The following KLHL32 variants were observed in gnomAD, a reference collection of about 807,000 sequenced individuals.
KLHL32 encodes kelch-like protein 32.
Under a neutral mutation model 64.8 loss-of-function variants are expected in KLHL32, and 35 were observed. The ratio of observed to expected loss-of-function variants is 0.54; its 90% CI spans 0.41 to 0.72. The LOEUF (loss-of-function observed/expected upper bound fraction) is 0.72. KLHL32 is among the 30% of genes least tolerant of loss of function. KLHL32 has a pLI of 0.00. For missense variants in KLHL32, 589 were observed against 768.5 expected, an observed-to-expected ratio of 0.77 and a Z score of 2.76; for synonymous variants, 259 against 281.0, an observed-to-expected ratio of 0.92 and a Z score of 0.78.
intron 4 of KLHL32, among the ~76,000 whole-genome samples, chr6:97,057,172 C>CTTTTTTTTTTTTT (rs199552121): frequency 3.1e-5 from 2 of 64,998 alleles, no homozygotes; most frequent in African/African-American, 8.8e-5. Context: ...ATGTGAGTAT[C>CTTTTTTTTTTTTT]TTTTTTTTTT....
chr6:96,990,105 G>C (rs1424972117), intron 3 of KLHL32, among the ~76,000 whole-genome samples: 1 of 152,102 alleles, frequency 6.6e-6, no homozygotes, highest in Non-Finnish European at 1.5e-5. Context: ...AGCCATTTCA[G>C]CCTGGTTAAG....
At chr6:96,919,038 C>T in the KLHL32 span, among the ~76,000 whole-genome samples, 1 of 152,160 alleles carries the variant, frequency 6.6e-6, no homozygotes, top group Non-Finnish European at 1.5e-5. Context: ...CCCCACCTCT[C>T]TTCTCCCTGT....
intron 6 of KLHL32, among the ~76,000 whole-genome samples, chr6:97,094,686 A>G (rs1276032067): frequency 6.6e-6 from 1 of 152,242 alleles, no homozygotes; most frequent in Non-Finnish European, 1.5e-5. Flanking sequence ...AAAAAAGTCA[A>G]TGACTGATTC....
chr6:96,984,816 C>T (rs1425949327), intron 3 of KLHL32, among the ~76,000 whole-genome samples: 1 of 152,142 alleles, frequency 6.6e-6, no homozygotes, highest in African/African-American at 2.4e-5. Flanking sequence ...TGGGTCTTGA[C>T]TCTTTATCCA....
intron 1 of KLHL32, among the ~76,000 whole-genome samples, chr6:96,946,189 A>G (rs985369834): frequency 1.3e-5 from 2 of 152,156 alleles, no homozygotes; most frequent in Admixed American, 1.3e-4. Flanking sequence ...AATATTTTAA[A>G]TATTTTGTTT....
intron 3 of KLHL32, among the ~76,000 whole-genome samples, chr6:97,015,237 A>G (rs1780993497): frequency 6.6e-6 from 1 of 152,204 alleles, no homozygotes; most frequent in African/African-American, 2.4e-5. Flanking sequence ...AGTACAGGAA[A>G]TTGATACTGC....
intron 7 of KLHL32, among the ~76,000 whole-genome samples, chr6:97,126,214 T>C (rs1798861047): frequency 1.3e-5 from 2 of 152,202 alleles, no homozygotes; most frequent in Non-Finnish European, 2.9e-5. Context: ...TTATTCATTT[T>C]ACACCAGTGT....
intron 4 of KLHL32, among the ~76,000 whole-genome samples, chr6:97,054,253 T>G (rs967531838): frequency 1.3e-5 from 2 of 152,254 alleles, no homozygotes; most frequent in South Asian, 2.1e-4. Context: ...ATAATTTGAA[T>G]GTATTGAATA....
At chr6:97,048,338 C>T (rs1036262119) in intron 4 of KLHL32, among the ~76,000 whole-genome samples, 10 of 152,158 alleles carry the variant, frequency 6.6e-5, no homozygotes, top group African/African-American at 2.2e-4. Flanking sequence ...CCCTTGGCTT[C>T]TGAAAATCAT....
chr6:96,905,478 C>A, the KLHL32 span, among the ~76,000 whole-genome samples: 1 of 152,188 alleles, frequency 6.6e-6, no homozygotes, highest in Admixed American at 6.5e-5. Context: ...TGATTACTAA[C>A]CAGCTTGGCA....
chr6:97,132,575 C>A (rs913462858), intron 9 of KLHL32, 78 bp from the exon 10 acceptor site: 11 of 1,057,846 alleles, frequency 1.0e-5, no homozygotes, highest in Non-Finnish European at 1.6e-5. Context: ...AAAATTGTAT[C>A]CCTCAGTGGC....
intron 3 of KLHL32, among the ~76,000 whole-genome samples, chr6:97,027,008 A>G (rs1377188439): frequency 2.0e-5 from 3 of 152,014 alleles, no homozygotes; most frequent in African/African-American, 7.2e-5. Flanking sequence ...CTAAAAATAC[A>G]AAAACCAGCT....
At chr6:96,992,689 C>T (rs901769142) in intron 3 of KLHL32, among the ~76,000 whole-genome samples, 1 of 152,240 alleles carries the variant, frequency 6.6e-6, no homozygotes, top group Non-Finnish European at 1.5e-5. Flanking sequence ...TCAACTCTTC[C>T]ACCACAATGC....
chr6:97,130,871 C>G lies in KLHL32; in HGVS notation c.1528C>G (p.Arg510Gly). ...GGNDLDYNND[R>G]ILVRHIDSYN... ...CAATGACCTAGACTACAATAATGAC[C>G]GGATCCTTGTGCGCCATATAGATTC... is the stretch of plus-strand genomic sequence containing the variant. Residue 510 changes from arginine to glycine, a missense_variant, in exon 9 of 11, where the codon CGG becomes GGG. Physicochemically the swap from Arg to Gly is moderately radical, Grantham distance 125. Around this residue, in one of 3 missense-constraint regions of KLHL32, gnomAD observed 172 missense variants for 192.0 expected, o/e 0.90. Transcript: ENST00000369261. 1 of 1,614,062 alleles carries G rather than the reference C, an allele frequency of 6.2e-7. No individual in the cohort carries two copies.
At chr6:97,075,848 C>T (rs1345211870) in intron 5 of KLHL32, among the ~76,000 whole-genome samples, 3 of 152,120 alleles carry the variant, frequency 2.0e-5, no homozygotes, top group East Asian at 3.8e-4. Context: ...TTTCTAAAGC[C>T]GTATACACTT....
At chr6:97,009,523 G>T (rs1229684194) in intron 3 of KLHL32, among the ~76,000 whole-genome samples, 1 of 152,118 alleles carries the variant, frequency 6.6e-6, no homozygotes, top group Non-Finnish European at 1.5e-5. Context: ...TGAAATGTTT[G>T]GAAAGTTGTG....
chr6:97,030,897 G>C (rs1210649), intron 3 of KLHL32, among the ~76,000 whole-genome samples: 39,205 of 152,092 alleles, frequency 0.26, 6,566 homozygotes, highest in African/African-American at 0.47. Flanking sequence ...TTTTGAAGAT[G>C]ATATTGGTTG....
chr6:97,073,531 T>G (rs1791097420), intron 5 of KLHL32, among the ~76,000 whole-genome samples: 1 of 152,196 alleles, frequency 6.6e-6, no homozygotes. Context: ...TTCTCCATCC[T>G]GGTATACAGA....
chr6:97,057,172 C>CTTTTTTTTTT (rs199552121), intron 4 of KLHL32, among the ~76,000 whole-genome samples: 4 of 65,000 alleles, frequency 6.2e-5, no homozygotes, highest in African/African-American at 8.8e-5. Flanking sequence ...ATGTGAGTAT[C>CTTTTTTTTTT]TTTTTTTTTT....
Sources: gnomAD v4.1 joint callset for allele counts (sites outside exome capture counted in the v4.1 genomes callset) on GRCh38, gnomAD v4.1.1 for gene constraint, gnomAD v4.1.1 regional missense constraint, MANE v1.5 for transcripts, NCBI Gene and HGNC (gene_info 2026-07-23, HGNC 2026-07-21) for gene names.